CNBD1: variants seen among roughly 807,000 people sequenced by gnomAD.
The protein encoded by CNBD1 is cyclic nucleotide-binding domain-containing protein 1.
A neutral mutation model predicts 54.4 loss-of-function variants in CNBD1; 71 were observed. The observed-to-expected ratio is 1.30, with a 90% CI of 1.08 to 1.59. The LOEUF (loss-of-function observed/expected upper bound fraction) is 1.59. CNBD1 is among the 40% of genes most tolerant of loss of function. CNBD1 has a pLI of 0.00. For missense variants in CNBD1, 659 were observed against 518.0 expected (o/e 1.27, Z -2.64); for synonymous variants, 182 against 170.7 (o/e 1.07, Z -0.51).
chr8:87,014,527 G>C (rs756272756), intron 4 of CNBD1, among the ~76,000 whole-genome samples: 1 of 151,494 alleles, frequency 6.6e-6, no homozygotes, highest in African/African-American at 2.4e-5. Context: ...CTATAAAAAG[G>C]GTTTATAGAA....
chr8:87,000,139 A>T (rs2130543357), intron 4 of CNBD1, among the ~76,000 whole-genome samples: 1 of 152,188 alleles, frequency 6.6e-6, no homozygotes, highest in Non-Finnish European at 1.5e-5. Flanking sequence ...AATCCTAATA[A>T]TCACCATATG....
intron 6 of CNBD1, among the ~76,000 whole-genome samples, chr8:87,242,920 G>A (rs1216143383): frequency 1.3e-5 from 2 of 152,146 alleles, no homozygotes; most frequent in African/African-American, 4.8e-5. Context: ...TAGCTAGTCT[G>A]TCAATAACAA....
chr8:86,870,324 G>T (rs1808425363), intron 1 of CNBD1, among the ~76,000 whole-genome samples: 1 of 151,546 alleles, frequency 6.6e-6, no homozygotes, highest in African/African-American at 2.4e-5. Context: ...GAATATCTGG[G>T]ACTACAGTAT....
In CNBD1 at chr8:86,945,854, G is replaced by C. The variant is rs1396184495; in HGVS notation, c.431+6100G>C. Among the ~76,000 whole-genome samples, 8 of 152,320 alleles carry C rather than the reference G, an allele frequency of 5.3e-5. No individual in the cohort carries two copies. The South Asian group carries it at 6.2e-4, about 12-fold the overall frequency. On this transcript the variant is annotated intron_variant, in intron 4 of 10. Transcript: ENST00000518476. ...CAGTAGACTGGTATTCTAAAAGCGTGTCACGCTGAATCTTCTTGTTCTGTC... is the reference window on the plus strand; with the variant it reads ...CAGTAGACTGGTATTCTAAAAGCGTCTCACGCTGAATCTTCTTGTTCTGTC...
chr8:86,988,525 C>A (rs1808662304), intron 4 of CNBD1, among the ~76,000 whole-genome samples: 1 of 152,040 alleles, frequency 6.6e-6, no homozygotes, highest in Non-Finnish European at 1.5e-5. Flanking sequence ...CTCTGTGTTA[C>A]AAACCATCCA....
intron 4 of CNBD1, among the ~76,000 whole-genome samples, chr8:87,152,506 G>C (rs1364638759): frequency 5.3e-5 from 8 of 151,822 alleles, no homozygotes; most frequent in African/African-American, 1.9e-4. Flanking sequence ...ATTTGTGTTG[G>C]GCCATAGTTA....
intron 10 of CNBD1, among the ~76,000 whole-genome samples, chr8:87,374,529 C>A (rs1444207365): frequency 6.6e-6 from 1 of 151,668 alleles, no homozygotes; most frequent in Non-Finnish European, 1.5e-5. Flanking sequence ...TAGACTGGTA[C>A]ACCTTGTATG....
chr8:87,305,006 AC>A, intron 8 of CNBD1, among the ~76,000 whole-genome samples: 1 of 152,098 alleles, frequency 6.6e-6, no homozygotes, highest in South Asian at 2.1e-4. Context: ...TACCTTGAAA[AC>A]CCTAAGGATT....
intron 4 of CNBD1, among the ~76,000 whole-genome samples, chr8:87,060,407 A>G (rs1167665384): frequency 6.6e-6 from 1 of 152,248 alleles, no homozygotes. Flanking sequence ...ATGGACAGGT[A>G]GATCAATGGA....
At chr8:87,415,998 C>G (rs1449606046) in intron 2 of CNBD1, among the ~76,000 whole-genome samples, 1 of 151,656 alleles carries the variant, frequency 6.6e-6, no homozygotes, top group African/African-American at 2.4e-5. Flanking sequence ...AAATTACATC[C>G]ACACACACAT....
At position 87,407,008 on chromosome 8, in the gene CNBD1, C is replaced by CT. The variant is rs569947129; in HGVS notation, c.214-21529dup. Among the ~76,000 whole-genome samples, 913 of 151,140 alleles carry CT rather than the reference C, an allele frequency of 6.0e-3. 12 individuals are homozygous for CT. Among genetic ancestry groups the CT allele is most frequent in the African/African-American group, 0.021 (848 of 41,274 alleles). On this transcript the variant is annotated intron_variant, in intron 2 of 7. Coordinates refer to the CNBD1 transcript ENST00000521593. ...GAATAACTTTTATTCTCATAATGAACTTTTTTTTTACCTGAAGGCTATCAT... is the reference window on the plus strand; with the variant it reads ...GAATAACTTTTATTCTCATAATGAACTTTTTTTTTTACCTGAAGGCTATCAT...
At chr8:87,269,206 C>T (rs1808317725) in intron 6 of CNBD1, among the ~76,000 whole-genome samples, 1 of 151,954 alleles carries the variant, frequency 6.6e-6, no homozygotes, top group Non-Finnish European at 1.5e-5. Context: ...TTGTTATTGT[C>T]AACTCTGTTA....
chr8:87,376,111 CTG>C (rs1169868581), intron 10 of CNBD1, among the ~76,000 whole-genome samples: 3 of 151,920 alleles, frequency 2.0e-5, no homozygotes, highest in Non-Finnish European at 4.4e-5. Context: ...TTACTGTAGA[CTG>C]TGACTGTAAA....
chr8:86,964,249 A>T (rs973333256), intron 4 of CNBD1, among the ~76,000 whole-genome samples: 1 of 152,346 alleles, frequency 6.6e-6, no homozygotes, highest in Non-Finnish European at 1.5e-5. Context: ...GTCTAGTCCC[A>T]GTCCCTTGCA....
At chr8:87,078,882 TTAA>T (rs975668475) in intron 4 of CNBD1, among the ~76,000 whole-genome samples, 8 of 152,180 alleles carry the variant, frequency 5.3e-5, no homozygotes, top group Non-Finnish European at 1.0e-4. Flanking sequence ...AGAATCATTT[TTAA>T]TATCAACTTT....
At chr8:87,336,520 C>G (rs1435826072) in intron 8 of CNBD1, among the ~76,000 whole-genome samples, 1 of 152,024 alleles carries the variant, frequency 6.6e-6, no homozygotes, top group Non-Finnish European at 1.5e-5. Flanking sequence ...TCATGAAGTT[C>G]TTGTGCTGTG....
chr8:86,977,315 C>G, intron 4 of CNBD1, among the ~76,000 whole-genome samples: 1 of 151,970 alleles, frequency 6.6e-6, no homozygotes, highest in East Asian at 1.9e-4. Context: ...TCTTCTCATT[C>G]TGATACACTA....
chr8:86,908,243 G>T (rs1017923247), intron 3 of CNBD1, among the ~76,000 whole-genome samples: 6 of 152,234 alleles, frequency 3.9e-5, no homozygotes, highest in Admixed American at 3.9e-4. Context: ...AGGATAAGAA[G>T]ATGAAGTATT....
chr8:86,978,332 G>C (rs896450110), intron 4 of CNBD1, among the ~76,000 whole-genome samples: 7 of 151,914 alleles, frequency 4.6e-5, no homozygotes, highest in African/African-American at 1.7e-4. Flanking sequence ...ATATTATTCA[G>C]AATAAGGAAC....
Sources: allele counts gnomAD v4.1 joint callset (sites outside exome capture counted in the v4.1 genomes callset), GRCh38; gene constraint gnomAD v4.1.1; transcripts MANE v1.5; gene names NCBI Gene and HGNC (gene_info 2026-07-23, HGNC 2026-07-21).